The following TUB variants were observed in gnomAD, a reference collection of about 807,000 sequenced individuals.
TUB encodes the protein TUB bipartite transcription factor, also known as tubby protein homolog.
Under a neutral mutation model 59.7 loss-of-function variants are expected in TUB, and 33 were observed. The ratio of observed to expected loss-of-function variants is 0.55; its 90% confidence interval spans 0.42 to 0.74. The LOEUF is 0.74. Ranked by LOEUF, TUB falls within the 30% of genes least tolerant of loss-of-function variation. TUB has a pLI of 0.00. For missense variants in TUB, 659 were observed against 672.0 expected (o/e 0.98, Z 0.21); for synonymous variants, 293 against 256.4 (o/e 1.14, Z -1.36).
chr11:8,033,098 A>T (rs911332201), intron 1 of TUB, among the ~76,000 whole-genome samples: 4 of 152,148 alleles, frequency 2.6e-5, no homozygotes, highest in Non-Finnish European at 4.4e-5. Flanking sequence ...CTGGGGGGGA[A>T]CCTGGGAGAC....
chr11:8,101,838 GAGAATAA>G lies in TUB; in HGVS notation c.*220_*226del. 2 of 507,012 alleles carry G rather than the reference GAGAATAA, an allele frequency of 3.9e-6. No homozygotes were observed. Among genetic ancestry groups the G allele is most frequent in the South Asian group, 6.7e-5 (1 of 15,028 alleles). The allele number at this position is 507,012 out of a possible 1,614,324, so 31.4% of individuals were successfully genotyped here. The stretch of plus-strand genomic sequence containing the variant: ...AGCGGGTGGGTGGGTGTGAAGGGAT[GAGAATAA>G]TTCTTTCCATGCCACGAGATCAACA... On this transcript the variant is annotated 3_prime_UTR_variant, in exon 12 of 12. Coordinates refer to ENST00000299506, the MANE Select transcript of TUB (RefSeq NM_177972.3).
intron 2 of TUB, among the ~76,000 whole-genome samples, chr11:8,075,319 T>G (rs1943432029): frequency 6.6e-6 from 1 of 152,208 alleles, no homozygotes; most frequent in South Asian, 2.1e-4. Flanking sequence ...TGGAGGAAGG[T>G]AGTTCTCTGG....
chr11:8,074,128 A>G (rs1057003719), intron 2 of TUB, among the ~76,000 whole-genome samples: 3 of 151,834 alleles, frequency 2.0e-5, no homozygotes, highest in African/African-American at 7.3e-5. Context: ...TTTTGTACCA[A>G]TAGTGTGTGT....
chr11:8,098,380 C>G (rs935734565), intron 8 of TUB, among the ~76,000 whole-genome samples: 10 of 152,114 alleles, frequency 6.6e-5, no homozygotes, highest in African/African-American at 1.9e-4. Flanking sequence ...AGGCTGGCTG[C>G]GACAGAGGAG....
intron 1 of TUB, chr11:8,019,393 C>T: frequency 8.1e-7 from 1 of 1,232,968 alleles, no homozygotes; most frequent in African/African-American, 1.6e-5. Flanking sequence ...GCGTGAGCGC[C>T]TGCTGACCCT....
rs938187313 is a variant in TUB, at chr11:8,102,456, T to C, written c.*837T>C. 1.3e-5 allele frequency: 2 copies of C among 152,098 alleles called. No individual in the cohort carries two copies. Among genetic ancestry groups the C allele is most frequent in the Non-Finnish European group, 2.9e-5 (2 of 68,050 alleles). The allele number at this position is 152,098 out of a possible 1,614,324, so 9.4% of individuals were successfully genotyped here. A position where few individuals can be genotyped will look rare whatever the true frequency, so the allele number is the denominator to read the frequency against. On this transcript the variant is annotated 3_prime_UTR_variant, in exon 12 of 12. Transcript: ENST00000299506. ...GAGTCCTGTCAGCTTCCCCAGGAGCTCTCTGCTGAGCAGCCCAGCACAACC... is the reference window on the plus strand; with the variant it reads ...GAGTCCTGTCAGCTTCCCCAGGAGCCCTCTGCTGAGCAGCCCAGCACAACC...
intron 2 of TUB, among the ~76,000 whole-genome samples, chr11:8,063,703 G>T (rs533764240): frequency 9.9e-5 from 15 of 152,200 alleles, no homozygotes; most frequent in African/African-American, 2.9e-4. Context: ...TTACTGGGAG[G>T]CATTCCCCAA....
In TUB at chr11:8,098,816, G is replaced by A. The variant is rs762660510; in HGVS notation, c.1057G>A (p.Ala353Thr). The A allele has an allele frequency of 6.2e-7, 1 of 1,614,178 alleles. No homozygotes were observed. Among genetic ancestry groups the A allele is most frequent in the South Asian group, 1.1e-5 (1 of 91,076 alleles). ...VYDNGVNPQK[A>T]SSSTLESGTL... ...TGACAATGGAGTCAACCCTCAGAAGGCCTCATCCTCCACTTTGGAAAGTGG... is the reference window on the plus strand; with the variant it reads ...TGACAATGGAGTCAACCCTCAGAAGACCTCATCCTCCACTTTGGAAAGTGG... The change falls in exon 9 of 12, where the codon GCC becomes ACC. Residue 353 changes from alanine (A) to threonine (T), a missense_variant. Transcript: ENST00000299506.
In TUB at chr11:8,105,197, T is replaced by C. The variant is rs952892684; in HGVS notation, c.*3578T>C. On this transcript the variant is annotated 3_prime_UTR_variant, in exon 12 of 12. Transcript: ENST00000299506. ...GTAACACTGGCCTTCCCTTCTCTAA[T>C]TCCTTACCCCAGCTGCGGCATCCCT... is the stretch of plus-strand genomic sequence containing the variant. 6.6e-6 allele frequency: 1 copy of C among 152,218 alleles called. No homozygotes were observed. Among genetic ancestry groups the C allele is most frequent in the African/African-American group, 2.4e-5 (1 of 41,450 alleles). The allele number at this position is 152,218 out of a possible 1,614,324, so 9.4% of individuals were successfully genotyped here.
chr11:8,094,941 C>G (rs568047480), intron 4 of TUB, among the ~76,000 whole-genome samples: 1 of 152,350 alleles, frequency 6.6e-6, no homozygotes, highest in Admixed American at 6.5e-5. Flanking sequence ...GCTTCTGTTG[C>G]TGAAGCTCTG....
intron 1 of TUB, chr11:8,039,578 C>T: frequency 1.5e-6 from 2 of 1,356,048 alleles, no homozygotes; most frequent in Non-Finnish European, 1.9e-6. Context: ...TGTGGCCAGG[C>T]AGCAGGCAGG....
chr11:8,072,001 G>A (rs1943368127), intron 2 of TUB, among the ~76,000 whole-genome samples: 1 of 152,206 alleles, frequency 6.6e-6, no homozygotes, highest in Non-Finnish European at 1.5e-5. Flanking sequence ...CATCCTCAGA[G>A]CTCCCACCTG....
intron 2 of TUB, among the ~76,000 whole-genome samples, chr11:8,043,077 AG>A (rs1162575894): frequency 2.0e-5 from 3 of 152,058 alleles, no homozygotes; most frequent in Non-Finnish European, 4.4e-5. Context: ...TCTTTCATTT[AG>A]GTCTTTGAAT....
In TUB at chr11:8,023,522, A is replaced by C. The variant is rs1469857359; in HGVS notation, c.56+4164A>C. Among the ~76,000 whole-genome samples the C allele has an allele frequency of 7.9e-5, 12 of 152,206 alleles. No individual in the cohort carries two copies. The East Asian group carries it at 2.3e-3, about 29-fold the overall frequency. On this transcript the variant is annotated intron_variant, in intron 1 of 11. Transcript: ENST00000534099. ...TATCAACGCAATGCTTCTAACACAGAAATCTATATCTTCAACTCCAGCCTT... is the reference window on the plus strand; with the variant it reads ...TATCAACGCAATGCTTCTAACACAGCAATCTATATCTTCAACTCCAGCCTT...
At chr11:8,020,081 C>G (rs1236600884) in intron 1 of TUB, among the ~76,000 whole-genome samples, 1 of 152,236 alleles carries the variant, frequency 6.6e-6, no homozygotes, top group Non-Finnish European at 1.5e-5. Context: ...GGTCATAAAG[C>G]CGAGTACATT....
chr11:8,026,870 CGG>C (rs1942506771), intron 1 of TUB, among the ~76,000 whole-genome samples: 1 of 152,116 alleles, frequency 6.6e-6, no homozygotes, highest in Admixed American at 6.5e-5. Context: ...TTAGTAACAT[CGG>C]GCCTTCCAAT....
chr11:8,042,245 C>A (rs543021738), intron 2 of TUB, among the ~76,000 whole-genome samples: 7 of 152,160 alleles, frequency 4.6e-5, no homozygotes, highest in African/African-American at 1.7e-4. Flanking sequence ...TCTTTTGTAA[C>A]TGGCTTCTTT....
At chr11:8,039,678 A>G (rs1338187494) in exon 2 of TUB, 4 of 1,539,910 alleles carry the variant, frequency 2.6e-6, no homozygotes, top group East Asian at 2.5e-5. Flanking sequence ...GGAAGGAAGG[A>G]AGGGAGATCG....
In TUB at chr11:8,106,201, G is replaced by C. The variant is rs889250760; in HGVS notation, c.*4582G>C. On this transcript the variant is annotated 3_prime_UTR_variant, in exon 12 of 12. Coordinates refer to ENST00000299506, the MANE Select transcript of TUB (RefSeq NM_177972.3). ...GTTGTAGAATTTAGTGTTTGTCTAAGTACACACATATATCAACAAATTAAA... is the reference window on the plus strand; with the variant it reads ...GTTGTAGAATTTAGTGTTTGTCTAACTACACACATATATCAACAAATTAAA... 2 of 152,050 alleles carry C rather than the reference G, an allele frequency of 1.3e-5. No individual in the cohort carries two copies. The highest frequency in any genetic ancestry group is 2.9e-5 in the Non-Finnish European group (2 of 67,968). 9.4% of individuals were successfully genotyped at this position (152,050 alleles called of 1,614,324 possible).
Sources: allele counts gnomAD v4.1 joint callset (sites outside exome capture counted in the v4.1 genomes callset), GRCh38; gene constraint gnomAD v4.1.1; transcripts MANE v1.5; gene names NCBI Gene and HGNC (gene_info 2026-07-23, HGNC 2026-07-21).